EPRS1: variants seen among roughly 807,000 people sequenced by gnomAD.
The protein encoded by EPRS1 is bifunctional glutamate/proline--tRNA ligase.
A neutral mutation model predicts 188.3 loss-of-function variants in EPRS1; 107 were observed. The ratio of observed to expected loss-of-function variants is 0.57; its 90% CI spans 0.49 to 0.67. EPRS1 has a LOEUF of 0.67. Ranked by LOEUF, EPRS1 falls within the 30% of genes least tolerant of loss-of-function variation. The pLI, the probability that EPRS1 is intolerant of heterozygous loss-of-function variation, is 0.00. For synonymous variants in EPRS1, 596 were observed against 593.1 expected (o/e 1.00, Z -0.07); for missense variants, 1,577 against 1,802.2 (o/e 0.88, Z 2.26).
rs1571660217 is a variant in EPRS1, at chr1:219,984,311, T to G, written c.3039-54A>C. 3 of 1,286,298 alleles carry G rather than the reference T, an allele frequency of 2.3e-6. No individual in the cohort carries two copies. The Admixed American group carries it at 5.2e-5, about 22-fold the overall frequency. The allele number at this position is 1,286,298 out of a possible 1,614,324, so 79.7% of individuals were successfully genotyped here. On this transcript the variant is annotated intron_variant, in intron 20 of 31. Transcript: ENST00000366923. ...ATCTTCATTCAGCAACTGCTTTAGG[T>G]TGAATAAAAATAAACCTCTAAAGTT...
chr1:220,008,026 G>T (rs1346510062), intron 13 of EPRS1, among the ~76,000 whole-genome samples: 1 of 150,682 alleles, frequency 6.6e-6, no homozygotes, highest in Non-Finnish European at 1.5e-5. Context: ...AGAATCACTT[G>T]AACCTGGGAG....
rs1661437541 is a variant in EPRS1, at chr1:220,005,327, T to G, written c.1984A>C (p.Lys662Gln). ...EELMLGDPCL[K>Q]DLKKGDIIQL... ...ATAATATCTCCTTTTTTCAAATCCT[T>G]AAGGCAGGGATCCCCTAGCATTAGC... The change falls in exon 16 of 32, where the codon AAG (lysine) becomes CAG (glutamine). Residue 662 changes from lysine (K) to glutamine (Q), a missense_variant. Around this residue, in one of 3 missense-constraint regions of EPRS1, gnomAD observed 1,278 missense variants for 1,457.4 expected, o/e 0.88. Transcript: ENST00000366923. 1.3e-6 allele frequency: 2 copies of G among 1,597,802 alleles called. No individual in the cohort carries two copies. The highest frequency in any genetic ancestry group is 1.7e-6 in the Non-Finnish European group (2 of 1,170,850).
At chr1:220,035,903 T>C (rs1662167318) in intron 2 of EPRS1, among the ~76,000 whole-genome samples, 1 of 151,352 alleles carries the variant, frequency 6.6e-6, no homozygotes, top group Non-Finnish European at 1.5e-5. Flanking sequence ...TCAAACCTCA[T>C]CCAAACCCAT....
At chr1:220,024,108 C>T (rs3767658) in intron 8 of EPRS1, among the ~76,000 whole-genome samples, 156 bp downstream of exon 8, 26,403 of 152,088 alleles carry the variant, frequency 0.17, 3,905 homozygotes, top group East Asian at 0.4. Context: ...GCCGAGATCG[C>T]GCCATTGTAC....
chr1:220,022,548 C>G, intron 8 of EPRS1, 30 bp from the exon 9 acceptor site: 2 of 1,530,274 alleles, frequency 1.3e-6, no homozygotes, highest in South Asian at 2.4e-5. Context: ...TTACGGTTCA[C>G]TAATCTGGTT....
chr1:220,005,479 A>T, intron 15 of EPRS1, 119 bp from the exon 16 acceptor site: 3 of 537,862 alleles, frequency 5.6e-6, no homozygotes. Context: ...TATGTTAAAA[A>T]GTTCACTACT....
chr1:220,026,421 T>C (rs919793175), intron 6 of EPRS1, among the ~76,000 whole-genome samples: 10 of 152,238 alleles, frequency 6.6e-5, no homozygotes, highest in South Asian at 2.1e-4. Flanking sequence ...ATACAGTTGA[T>C]TGGGCTGACA....
chr1:220,013,500 T>A (rs184257352), intron 12 of EPRS1, among the ~76,000 whole-genome samples: 3 of 152,246 alleles, frequency 2.0e-5, no homozygotes, highest in Admixed American at 6.5e-5. Context: ...TTATTTTTTT[T>A]AAAACAGAAC....
intron 7 of EPRS1, among the ~76,000 whole-genome samples, chr1:220,024,673 T>C (rs1361004953): frequency 2.0e-5 from 3 of 152,228 alleles, no homozygotes; most frequent in African/African-American, 7.2e-5. Context: ...AAAGCTGATC[T>C]CACGATGGAG....
chr1:220,017,970 G>A (rs1336135011), intron 12 of EPRS1, among the ~76,000 whole-genome samples: 1 of 152,160 alleles, frequency 6.6e-6, no homozygotes, highest in Non-Finnish European at 1.5e-5. Context: ...AGAGGACATG[G>A]TTTTTAACAC....
intron 13 of EPRS1, among the ~76,000 whole-genome samples, chr1:220,009,889 T>A (rs1417283877): frequency 6.6e-6 from 1 of 150,580 alleles, no homozygotes; most frequent in Non-Finnish European, 1.5e-5. Context: ...AGGCCAGGAG[T>A]TCAAGACCAG....
At chr1:220,035,839 AT>A (rs999549344) in intron 2 of EPRS1, among the ~76,000 whole-genome samples, 1 of 152,080 alleles carries the variant, frequency 6.6e-6, no homozygotes, top group African/African-American at 2.4e-5. Flanking sequence ...AATAAAATAA[AT>A]CAAGGCAAAG....
intron 8 of EPRS1, among the ~76,000 whole-genome samples, 165 bp from the exon 9 acceptor site, chr1:220,022,683 G>A (rs560043164): frequency 1.3e-4 from 20 of 152,226 alleles, no homozygotes; most frequent in South Asian, 4.1e-4. Context: ...GAGCAAATGC[G>A]TCATTTTTTA....
At chr1:220,005,208 T>G (rs746776429) in intron 16 of EPRS1, 40 bp downstream of exon 16, 2 of 896,540 alleles carry the variant, frequency 2.2e-6, no homozygotes, top group Non-Finnish European at 3.4e-6. Flanking sequence ...TATAACAACT[T>G]TAAGCATTTT....
intron 9 of EPRS1, among the ~76,000 whole-genome samples, chr1:220,021,781 A>G (rs1044063685): frequency 7.9e-5 from 12 of 152,214 alleles, no homozygotes; most frequent in Non-Finnish European, 1.3e-4. Flanking sequence ...TCTCTTCAGA[A>G]ATTTTAATTC....
chr1:219,996,455 T>G (rs534097524), intron 18 of EPRS1, among the ~76,000 whole-genome samples: 1 of 152,228 alleles, frequency 6.6e-6, no homozygotes, highest in East Asian at 1.9e-4. Flanking sequence ...TGAGAAACAT[T>G]TTAGAAATGC....
Position 219,972,063 on chromosome 1 carries a change from T to G in EPRS1, c.4323+6A>C. The G allele has an allele frequency of 6.4e-7, 1 of 1,573,054 alleles. No individual in the cohort carries two copies. Among genetic ancestry groups the G allele is most frequent in the Non-Finnish European group, 8.6e-7 (1 of 1,158,280 alleles). On this transcript the variant is annotated splice_donor_region_variant and intron_variant, in intron 30 of 31. Coordinates refer to ENST00000366923, the MANE Select transcript of EPRS1 (RefSeq NM_004446.3). ...TTATACTGAAAAGTTTTCCAAACTC[T>G]CTGACCTTTCCAGAATCTAGTATCT...
At chr1:220,024,084 G>A (rs764736857) in intron 8 of EPRS1, among the ~76,000 whole-genome samples, 180 bp downstream of exon 8, 3 of 152,126 alleles carry the variant, frequency 2.0e-5, no homozygotes, top group Non-Finnish European at 2.9e-5. Context: ...CCTGGGAGGC[G>A]GAGGTTGCAG....
chr1:219,982,152 A>G (rs1315374742), intron 23 of EPRS1, among the ~76,000 whole-genome samples: 1 of 152,226 alleles, frequency 6.6e-6, no homozygotes, highest in African/African-American at 2.4e-5. Flanking sequence ...AAGAACAGAC[A>G]ATCCTGAACT....
Sources: gnomAD v4.1 joint callset for allele counts (sites outside exome capture counted in the v4.1 genomes callset) on GRCh38, gnomAD v4.1.1 for gene constraint, gnomAD v4.1.1 regional missense constraint, MANE v1.5 for transcripts, NCBI Gene and HGNC (gene_info 2026-07-23, HGNC 2026-07-21) for gene names.